SFXN2: variants seen among roughly 807,000 people sequenced by gnomAD.
SFXN2 encodes the protein sideroflexin 2, also known as sideroflexin-2.
In SFXN2, 37 loss-of-function variants were observed where a neutral mutation model predicts 41.9. That is an observed-to-expected ratio of 0.88 (90% CI 0.68 to 1.16). The LOEUF is 1.16. Ranked by LOEUF, SFXN2 falls within the 50% of genes most tolerant of loss-of-function variation. The pLI is 0.00. For synonymous variants in SFXN2, 150 were observed against 156.7 expected (o/e 0.96, Z 0.32); for missense variants, 386 against 425.2 (o/e 0.91, Z 0.81).
Position 102,727,140 on chromosome 10 carries a change from C to G in SFXN2, c.315C>G (p.Phe105Leu), listed in dbSNP as rs1017663995. 8.1e-6 allele frequency: 13 copies of G among 1,601,902 alleles called. No homozygotes were observed. The highest frequency in any genetic ancestry group is 1.3e-5 in the African/African-American group (1 of 74,682). ...CTGGCGGCATGATCATCACGGGCTT[C>G]ATGCTCCAGTTCTACAGGTGGGACC... ...QLPGGMIITG[F>L]MLQFYRTMPA... is the part of the protein sequence containing the mutation. The change falls in exon 3 of 12, where the codon TTC becomes TTG. Residue 105 changes from phenylalanine to leucine, a missense_variant. Coordinates refer to ENST00000369893, the MANE Select transcript of SFXN2 (RefSeq NM_178858.6).
chr10:102,723,220 C>T (rs2064536171), intron 1 of SFXN2, among the ~76,000 whole-genome samples: 1 of 149,486 alleles, frequency 6.7e-6, no homozygotes. Flanking sequence ...GCTGAGATTA[C>T]AGATGTGAGC....
intron 1 of SFXN2, among the ~76,000 whole-genome samples, chr10:102,721,961 C>T (rs2064515295): frequency 1.3e-5 from 2 of 152,188 alleles, no homozygotes; most frequent in Non-Finnish European, 2.9e-5. Flanking sequence ...CTGTTGGTCT[C>T]TCCTCTGAGT....
chr10:102,728,459 T>G lies in SFXN2; in HGVS notation c.361T>G (p.Trp121Gly). 6.2e-7 allele frequency: 1 copy of G among 1,614,098 alleles called. No homozygotes were observed. The highest frequency in any genetic ancestry group is 8.5e-7 in the Non-Finnish European group (1 of 1,179,968). Residue 121 changes from tryptophan to glycine, a missense_variant, in exon 4 of 12, where the codon TGG (tryptophan) becomes GGG (glycine). Coordinates refer to ENST00000369893, the MANE Select transcript of SFXN2 (RefSeq NM_178858.6). ...RTMPAVIFWQ[W>G]VNQSFNALVN... ...GATGCCGGCGGTGATCTTCTGGCAG[T>G]GGGTGAACCAGTCCTTCAATGCCTT...
chr10:102,729,564 C>T, intron 5 of SFXN2, 159 bp from the exon 6 acceptor site: 1 of 1,122,588 alleles, frequency 8.9e-7, no homozygotes, highest in African/African-American at 1.6e-5. Flanking sequence ...GTTGGTTCTT[C>T]TTGGGCCTTT....
At chr10:102,737,213 G>A (rs575997046) in intron 11 of SFXN2, among the ~76,000 whole-genome samples, 3 of 152,038 alleles carry the variant, frequency 2.0e-5, no homozygotes, top group South Asian at 2.1e-4. Flanking sequence ...GCTGACAACC[G>A]AAACCCCTCT....
intron 7 of SFXN2, 50 bp downstream of exon 7, chr10:102,731,833 CCCTGTCCCCT>C (rs745924757): frequency 6.6e-7 from 1 of 1,520,884 alleles, no homozygotes; most frequent in African/African-American, 1.4e-5. Context: ...CCCTCTCATA[CCCTGTCCCCT>C]CCTTAGTGGT....
chr10:102,729,352 C>G lies in SFXN2; in HGVS notation c.465C>G (p.Thr155=). 2 of 1,614,194 alleles carry G rather than the reference C, an allele frequency of 1.2e-6. No individual in the cohort carries two copies. The highest frequency in any genetic ancestry group is 1.7e-6 in the Non-Finnish European group (2 of 1,180,026). The change falls in exon 5 of 12, where the codon ACC becomes ACG. Residue 155 remains threonine, a synonymous_variant. Coordinates refer to ENST00000369893, the MANE Select transcript of SFXN2 (RefSeq NM_178858.6). ...CCCTTTCCTACTTCACAGCCACAAC[C>G]ACTGCTGTGGCCACGGCTGTGGGCA... ...QMALSYFTAT[T]TAVATAVGMN...
chr10:102,718,533 G>A (rs2064451869), intron 1 of SFXN2, among the ~76,000 whole-genome samples: 2 of 152,270 alleles, frequency 1.3e-5, no homozygotes, highest in African/African-American at 2.4e-5. Context: ...GTGGCAGGGA[G>A]AGGGGAAGTC....
chr10:102,729,333 C>T lies in SFXN2; in HGVS notation c.446C>T (p.Ser149Phe). ...TCCTCCCCCAGGCAGATGGCCCTTT[C>T]CTACTTCACAGCCACAACCACTGCT... ...SPTSVRQMAL[S>F]YFTATTTAVA... The change falls in exon 5 of 12, where the codon TCC (serine) becomes TTC (phenylalanine). Residue 149 changes from serine (S) to phenylalanine (F), a missense_variant. Ser to Phe is a radical substitution (Grantham distance 155). Coordinates refer to ENST00000369893, the MANE Select transcript of SFXN2 (RefSeq NM_178858.6). 1 of 1,614,208 alleles carries T rather than the reference C, an allele frequency of 6.2e-7. No homozygotes were observed. The highest frequency in any genetic ancestry group is 8.5e-7 in the Non-Finnish European group (1 of 1,180,022).
intron 1 of SFXN2, chr10:102,716,178 G>C (rs531738713): frequency 7.9e-5 from 12 of 152,084 alleles, no homozygotes; most frequent in African/African-American, 2.7e-4. Flanking sequence ...AGTCAGACGA[G>C]TACCCATAAG....
intron 1 of SFXN2, among the ~76,000 whole-genome samples, chr10:102,723,120 A>T (rs2064534672): frequency 1.3e-5 from 2 of 151,804 alleles, no homozygotes; most frequent in Admixed American, 1.3e-4. Context: ...TTTGGTAGAA[A>T]AAAAAATACA....
Position 102,728,434 on chromosome 10 carries a change from G to A in SFXN2, c.336G>A (p.Thr112=), listed in dbSNP as rs558363202. ...ITGFMLQFYR[T]MPAVIFWQWV... is the part of the protein sequence containing the mutation. ...TCCTGGCCTTCCTCACTGGTAGGAC[G>A]ATGCCGGCGGTGATCTTCTGGCAGT... The change falls in exon 4 of 12, where the codon ACG becomes ACA. Residue 112 remains threonine, a synonymous_variant. Transcript: ENST00000369893. 8.1e-6 allele frequency: 13 copies of A among 1,614,044 alleles called. No homozygotes were observed. The highest frequency in any genetic ancestry group is 2.2e-5 in the South Asian group (2 of 91,074).
chr10:102,737,869 C>T lies in SFXN2; in HGVS notation c.*107C>T, dbSNP rs2064802574. The T allele has an allele frequency of 1.4e-6, 1 of 732,540 alleles. No homozygotes were observed. 45.4% of individuals were successfully genotyped at this position (732,540 alleles called of 1,614,324 possible). The stretch of plus-strand genomic sequence containing the variant: ...CCCTTTGCCAACAAGGCCTGAAGGC[C>T]AGGGTAGATTGGGGGGTGGGACAAT... On this transcript the variant is annotated 3_prime_UTR_variant, in exon 12 of 12. Transcript: ENST00000369893.
intron 1 of SFXN2, among the ~76,000 whole-genome samples, chr10:102,723,744 A>G (rs887727107): frequency 6.6e-6 from 1 of 152,192 alleles, no homozygotes; most frequent in African/African-American, 2.4e-5. Flanking sequence ...GTGTTTCTCA[A>G]TGAGAGACAG....
At chr10:102,733,802 G>T (rs552057072) in intron 10 of SFXN2, among the ~76,000 whole-genome samples, 199 bp downstream of exon 10, 5 of 152,252 alleles carry the variant, frequency 3.3e-5, no homozygotes, top group African/African-American at 1.2e-4. Context: ...CTTTATGCAC[G>T]TGTCCATGTA....
At chr10:102,715,192 C>A (rs1274879095) in intron 1 of SFXN2, 2 of 152,540 alleles carry the variant, frequency 1.3e-5, no homozygotes, top group African/African-American at 4.8e-5. Flanking sequence ...GCCACCACGC[C>A]TGGATAATTT....
chr10:102,729,546 G>A (rs1021161840), intron 5 of SFXN2, 152 bp downstream of exon 5: 9 of 1,106,574 alleles, frequency 8.1e-6, no homozygotes, highest in Non-Finnish European at 9.0e-6. Context: ...CACCAGGGCC[G>A]TCCCCAGGTT....
intron 3 of SFXN2, 25 bp downstream of exon 3, chr10:102,727,182 G>T (rs545283764): frequency 6.3e-7 from 1 of 1,583,626 alleles, no homozygotes; most frequent in African/African-American, 1.3e-5. Context: ...CAGGGCCGTG[G>T]GAGGTACAGC....
intron 5 of SFXN2, 46 bp from the exon 6 acceptor site, chr10:102,729,677 C>G: frequency 6.3e-7 from 1 of 1,585,834 alleles, no homozygotes; most frequent in Middle Eastern, 1.7e-4. Context: ...CCCCTCCCAT[C>G]TTCCAGCGCT....
Sources: gnomAD v4.1 joint callset for allele counts (sites outside exome capture counted in the v4.1 genomes callset) on GRCh38, gnomAD v4.1.1 for gene constraint, MANE v1.5 for transcripts, NCBI Gene and HGNC (gene_info 2026-07-23, HGNC 2026-07-21) for gene names.